ATXN1: variants seen among roughly 807,000 people sequenced by gnomAD.
ATXN1 encodes the protein ataxin-1.
ATXN1 carries 8 observed loss-of-function variants against 56.4 expected under a neutral mutation model. That is an observed-to-expected ratio of 0.14 (90% confidence interval 0.08 to 0.26). The LOEUF (loss-of-function observed/expected upper bound fraction) is 0.26. Among genes scored for constraint, ATXN1 ranks in the 10% least tolerant of loss-of-function variants. ATXN1 has a pLI of 1.00. For synonymous variants in ATXN1, 514 were observed against 494.6 expected (o/e 1.04, Z -0.52); for missense variants, 987 against 1,106.5 (o/e 0.89, Z 1.53).
Position 16,354,030 on chromosome 6 carries a change from A to C in ATXN1, c.-160-25560T>G, listed in dbSNP as rs867324525. On this transcript the variant is annotated intron_variant, in intron 6 of 7. Coordinates refer to ENST00000436367, the MANE Select transcript of ATXN1 (RefSeq NM_001128164.2). Reference sequence around the variant, plus strand: ...TTCTTAACCTTGGCAGCACAGGAGAATCACCTGGAAAGATTTTGAAAAGTC... The same window carrying C: ...TTCTTAACCTTGGCAGCACAGGAGACTCACCTGGAAAGATTTTGAAAAGTC... Among the ~76,000 whole-genome samples the C allele has an allele frequency of 2.1e-4, 32 of 152,306 alleles. 1 individual carries two copies. Among genetic ancestry groups the C allele is most frequent in the Admixed American group, 2.6e-4 (4 of 15,294 alleles).
chr6:16,489,603 G>T (rs1195509000), intron 5 of ATXN1, among the ~76,000 whole-genome samples: 1 of 152,116 alleles, frequency 6.6e-6, no homozygotes, highest in Admixed American at 6.5e-5. Context: ...ATGGCATGTG[G>T]AGGGGAGATG....
In ATXN1 at chr6:16,604,224, C is replaced by T. The variant is rs77523729; in HGVS notation, c.-488-18317G>A. 1.3e-3 allele frequency among the ~76,000 whole-genome samples: 195 copies of T among 151,362 alleles called. 6 individuals are homozygous for T. The East Asian group carries it at 0.036, about 28-fold the overall frequency. On this transcript the variant is annotated intron_variant, in intron 3 of 7. Coordinates refer to ENST00000436367, the MANE Select transcript of ATXN1 (RefSeq NM_001128164.2). ...AAAGAGGAACAGGCCAGGCACATGG[C>T]ACACACCTGTAACCTCAGCACTTTG...
chr6:16,426,257 A>C (rs1759151670), intron 6 of ATXN1, among the ~76,000 whole-genome samples: 1 of 132,038 alleles, frequency 7.6e-6, no homozygotes, highest in African/African-American at 2.9e-5. Flanking sequence ...TTAACACAAA[A>C]GGAGGAGAGG....
At chr6:16,391,276 C>T (rs1758351194) in intron 6 of ATXN1, among the ~76,000 whole-genome samples, 2 of 150,908 alleles carry the variant, frequency 1.3e-5, no homozygotes, top group South Asian at 4.2e-4. Flanking sequence ...AAAAGAAGCT[C>T]TTCTTTGAAT....
chr6:16,325,249 C>T (rs775666443), intron 7 of ATXN1, among the ~76,000 whole-genome samples: 7 of 152,050 alleles, frequency 4.6e-5, no homozygotes, highest in Non-Finnish European at 7.4e-5. Flanking sequence ...TCTGGAGTAG[C>T]TGGGATTACA....
intron 6 of ATXN1, among the ~76,000 whole-genome samples, chr6:16,379,899 G>C (rs1762217263): frequency 1.3e-5 from 2 of 152,146 alleles, no homozygotes; most frequent in Non-Finnish European, 2.9e-5. Context: ...TAAAAAGTAA[G>C]AAAAGAGGAA....
intron 2 of ATXN1, among the ~76,000 whole-genome samples, chr6:16,744,237 A>G (rs1381442520): frequency 1.3e-5 from 2 of 152,116 alleles, no homozygotes; most frequent in Admixed American, 1.3e-4. Flanking sequence ...CCACTGGAAG[A>G]GCTATCCCCG....
intron 4 of ATXN1, among the ~76,000 whole-genome samples, chr6:16,555,709 A>G (rs1761999855): frequency 6.6e-6 from 1 of 152,190 alleles, no homozygotes; most frequent in African/African-American, 2.4e-5. Context: ...CATGCAGATA[A>G]TTGTGTAGTG....
chr6:16,383,034 T>C (rs1201884912), intron 6 of ATXN1, among the ~76,000 whole-genome samples: 1 of 152,038 alleles, frequency 6.6e-6, no homozygotes, highest in Non-Finnish European at 1.5e-5. Flanking sequence ...CTTCCTCCCA[T>C]CTCGCCCTCC....
At chr6:16,703,505 T>C (rs1759336179) in intron 2 of ATXN1, among the ~76,000 whole-genome samples, 1 of 152,214 alleles carries the variant, frequency 6.6e-6, no homozygotes, top group South Asian at 2.1e-4. Context: ...TTTATAACTC[T>C]ATATTTCTCT....
intron 2 of ATXN1, among the ~76,000 whole-genome samples, chr6:16,704,719 T>C (rs1759369220): frequency 6.6e-6 from 1 of 152,190 alleles, no homozygotes; most frequent in Non-Finnish European, 1.5e-5. Flanking sequence ...ACAAGGGGGC[T>C]GCTGGAATGC....
Position 16,302,232 on chromosome 6 carries a change from G to T in ATXN1, c.*4097C>A, listed in dbSNP as rs1055954037. 1 of 152,448 alleles carries T rather than the reference G, an allele frequency of 6.6e-6. No individual in the cohort carries two copies. The highest frequency in any genetic ancestry group is 2.4e-5 in the African/African-American group (1 of 41,444). The allele number at this position is 152,448 out of a possible 1,614,324, so 9.4% of individuals were successfully genotyped here. A position where few individuals can be genotyped will look rare whatever the true frequency, so the allele number is the denominator to read the frequency against. On this transcript the variant is annotated 3_prime_UTR_variant, in exon 8 of 8. Transcript: ENST00000436367. ...ACACACACACCTGCCCCGTCCCTGA[G>T]AAAGAGGTGTGAAAGGTTCCGCAGA...
chr6:16,466,380 G>A (rs971872924), intron 6 of ATXN1, among the ~76,000 whole-genome samples: 1 of 146,036 alleles, frequency 6.8e-6, no homozygotes, highest in Non-Finnish European at 1.5e-5. Flanking sequence ...AACCCAAGAG[G>A]ATAACTCTCT....
intron 2 of ATXN1, among the ~76,000 whole-genome samples, chr6:16,684,762 T>C (rs1407920242): frequency 1.3e-5 from 2 of 152,200 alleles, no homozygotes; most frequent in African/African-American, 4.8e-5. Context: ...AATGAATATA[T>C]AATTCAATTT....
At chr6:16,537,401 T>C (rs1761621780) in intron 4 of ATXN1, among the ~76,000 whole-genome samples, 1 of 151,844 alleles carries the variant, frequency 6.6e-6, no homozygotes, top group South Asian at 2.1e-4. Flanking sequence ...CATAAGTGGC[T>C]GCCTATGTAT....
intron 3 of ATXN1, among the ~76,000 whole-genome samples, chr6:16,602,458 T>C (rs1258581010): frequency 6.6e-6 from 1 of 150,898 alleles, no homozygotes; most frequent in Non-Finnish European, 1.5e-5. Context: ...CAAAATTCTT[T>C]TTTTTTTTTT....
intron 3 of ATXN1, among the ~76,000 whole-genome samples, chr6:16,654,681 T>C (rs1758155720): frequency 6.6e-6 from 1 of 152,022 alleles, no homozygotes; most frequent in African/African-American, 2.4e-5. Context: ...CCCAAGCAAC[T>C]GTCTTAATCA....
At chr6:16,322,505 T>G (rs1165799007) in intron 7 of ATXN1, among the ~76,000 whole-genome samples, 1 of 152,210 alleles carries the variant, frequency 6.6e-6, no homozygotes, top group Non-Finnish European at 1.5e-5. Flanking sequence ...AAACCATCTC[T>G]TCTTCCACAA....
At chr6:16,595,558 T>C (rs563261199) in intron 3 of ATXN1, among the ~76,000 whole-genome samples, 28 of 152,354 alleles carry the variant, frequency 1.8e-4, no homozygotes, top group Non-Finnish European at 2.9e-4. Flanking sequence ...TTACCTTCTT[T>C]AACACAAGTG....
Sources: allele counts gnomAD v4.1 joint callset (sites outside exome capture counted in the v4.1 genomes callset), GRCh38; gene constraint gnomAD v4.1.1; transcripts MANE v1.5; gene names NCBI Gene and HGNC (gene_info 2026-07-23, HGNC 2026-07-21).